Variants in CCDC18 observed in about 807,000 individuals in gnomAD.
The protein encoded by CCDC18 is coiled-coil domain-containing protein 18.
A neutral mutation model predicts 196.0 loss-of-function variants in CCDC18; 157 were observed. The ratio of observed to expected loss-of-function variants is 0.80; its 90% CI spans 0.70 to 0.91. CCDC18 has a LOEUF of 0.91. Ranked by LOEUF, CCDC18 falls within the 40% of genes least tolerant of loss-of-function variation. CCDC18 has a pLI of 0.00. For missense variants in CCDC18, 1,465 were observed against 1,611.6 expected (o/e 0.91, Z 1.56); for synonymous variants, 482 against 529.2 (o/e 0.91, Z 1.22).
At chr1:93,222,337 T>C (rs1375465706) in intron 16 of CCDC18, among the ~76,000 whole-genome samples, 3 of 152,144 alleles carry the variant, frequency 2.0e-5, no homozygotes, top group African/African-American at 2.4e-5. Flanking sequence ...TTATCTAGCC[T>C]CTTTTTGTCT....
At chr1:93,182,147 CAA>C (rs1649826138) in intron 1 of CCDC18, among the ~76,000 whole-genome samples, 1 of 151,522 alleles carries the variant, frequency 6.6e-6, no homozygotes, top group African/African-American at 2.4e-5. Flanking sequence ...TTTGTGGAAA[CAA>C]AAAAGGGAAA....
intron 4 of CCDC18, among the ~76,000 whole-genome samples, chr1:93,187,506 CTG>C (rs781781907): frequency 1.5e-4 from 23 of 152,020 alleles, no homozygotes; most frequent in African/African-American, 4.8e-4. Flanking sequence ...ATGCTTCACA[CTG>C]TTGATAATTT....
intron 17 of CCDC18, among the ~76,000 whole-genome samples, chr1:93,228,687 T>TC (rs2102389106): frequency 6.6e-6 from 1 of 151,916 alleles, no homozygotes; most frequent in African/African-American, 2.4e-5. Context: ...CCTTTTTTTT[T>TC]TTTACTATGA....
At chr1:93,230,967 A>G (rs553373944) in intron 17 of CCDC18, among the ~76,000 whole-genome samples, 6 of 152,346 alleles carry the variant, frequency 3.9e-5, no homozygotes, top group African/African-American at 1.2e-4. Context: ...TAAACAAAAC[A>G]TATTTGCATG....
At chr1:93,257,562 G>T (rs1663182005) in intron 25 of CCDC18, among the ~76,000 whole-genome samples, 1 of 151,596 alleles carries the variant, frequency 6.6e-6, no homozygotes, top group African/African-American at 2.4e-5. Flanking sequence ...CATAGGAACT[G>T]AATTAAAATA....
chr1:93,240,022 C>T (rs1364858614), intron 21 of CCDC18, 126 bp downstream of exon 21: 1 of 668,040 alleles, frequency 1.5e-6, no homozygotes, highest in Non-Finnish European at 2.5e-6. Context: ...TCATCCCAGC[C>T]AGCCTATCCC....
At chr1:93,188,574 T>C (rs1038909554) in intron 4 of CCDC18, among the ~76,000 whole-genome samples, 1 of 152,256 alleles carries the variant, frequency 6.6e-6, no homozygotes, top group Admixed American at 6.5e-5. Flanking sequence ...TACTCCCTTC[T>C]ATCTTCCAGT....
chr1:93,199,592 G>T (rs1343195303), intron 6 of CCDC18, among the ~76,000 whole-genome samples: 1 of 152,238 alleles, frequency 6.6e-6, no homozygotes, highest in Non-Finnish European at 1.5e-5. Context: ...TGAGCAGGGG[G>T]CGTGTTTCAG....
At chr1:93,257,956 A>G (rs1040072443) in intron 25 of CCDC18, among the ~76,000 whole-genome samples, 3 of 151,934 alleles carry the variant, frequency 2.0e-5, no homozygotes, top group African/African-American at 4.8e-5. Context: ...TCTTTCTCAC[A>G]TAACTAGACT....
At chr1:93,221,967 T>TTGCG in intron 16 of CCDC18, 31 bp downstream of exon 16, 1 of 1,414,748 alleles carries the variant, frequency 7.1e-7, no homozygotes, top group Non-Finnish European at 9.6e-7. Flanking sequence ...TTTTTCTTTC[T>TTGCG]TTCCTTTTTT....
chr1:93,197,020 C>T (rs1298540093), intron 6 of CCDC18, among the ~76,000 whole-genome samples: 1 of 152,048 alleles, frequency 6.6e-6, no homozygotes, highest in Non-Finnish European at 1.5e-5. Flanking sequence ...TAGGCTGTAC[C>T]TAAAGACACT....
intron 27 of CCDC18, among the ~76,000 whole-genome samples, chr1:93,267,164 C>T (rs981481757): frequency 2.0e-5 from 3 of 152,184 alleles, no homozygotes; most frequent in Non-Finnish European, 2.9e-5. Context: ...AAATGTAATC[C>T]ATCACATGAA....
At chr1:93,263,725 G>C (rs1664121182) in intron 26 of CCDC18, among the ~76,000 whole-genome samples, 1 of 152,074 alleles carries the variant, frequency 6.6e-6, no homozygotes, top group South Asian at 2.1e-4. Flanking sequence ...TCTAACCTCT[G>C]CCCATTACCC....
chr1:93,240,705 C>T (rs1242308125), intron 21 of CCDC18, among the ~76,000 whole-genome samples: 1 of 152,108 alleles, frequency 6.6e-6, no homozygotes, highest in Non-Finnish European at 1.5e-5. Context: ...CACTTCCAAA[C>T]CCATTTCTCC....
Position 93,186,337 on chromosome 1 carries a change from T to C in CCDC18, c.304-8T>C, listed in dbSNP as rs1224101869. 3.7e-6 allele frequency: 6 copies of C among 1,606,406 alleles called. No individual in the cohort carries two copies. Among genetic ancestry groups the C allele is most frequent in the Non-Finnish European group, 5.1e-6 (6 of 1,176,634 alleles). ...TGAAAATATATTTGTTCTTTTTCAT[T>C]CTTTCAGATGTTTTCATCTTCTGCC... On this transcript the variant is annotated splice_region_variant and splice_polypyrimidine_tract_variant and intron_variant, in intron 3 of 28. Transcript: ENST00000690025.
At chr1:93,233,126 G>C (rs1659499815) in intron 18 of CCDC18, among the ~76,000 whole-genome samples, 2 of 152,080 alleles carry the variant, frequency 1.3e-5, no homozygotes, top group Admixed American at 6.5e-5. Context: ...TATAATTCAT[G>C]TTTCTTTATT....
At position 93,201,921 on chromosome 1, in the gene CCDC18, A is replaced by G. The variant is rs752487584; in HGVS notation, c.728A>G (p.Tyr243Cys). 48 of 1,606,756 alleles carry G rather than the reference A, an allele frequency of 3.0e-5. No homozygotes were observed. The highest frequency in any genetic ancestry group is 3.6e-5 in the Non-Finnish European group (42 of 1,177,188). The change falls in exon 7 of 29, where the codon TAT (tyrosine) becomes TGT (cysteine). Residue 243 changes from tyrosine (Y) to cysteine (C), a missense_variant. Transcript: ENST00000690025. ...GAACGACAAAGGAATGAAGCACTATATAATGCCGAAGAGCTGAGTAAAGCT... is the reference window on the plus strand; with the variant it reads ...GAACGACAAAGGAATGAAGCACTATGTAATGCCGAAGAGCTGAGTAAAGCT... ...RAERQRNEAL[Y>C]NAEELSKAFQ...
intron 11 of CCDC18, 80 bp downstream of exon 11, chr1:93,212,341 A>T (rs1321173122): frequency 2.8e-5 from 26 of 919,368 alleles, no homozygotes; most frequent in South Asian, 1.3e-4. Flanking sequence ...TTTTATTTAA[A>T]TTTTTTTTTT....
intron 16 of CCDC18, among the ~76,000 whole-genome samples, chr1:93,222,291 CTTAA>C (rs1174885670): frequency 2.0e-5 from 3 of 151,738 alleles, no homozygotes; most frequent in Non-Finnish European, 4.4e-5. Flanking sequence ...GAATTATGAT[CTTAA>C]TTATTTGATA....
Sources: allele counts gnomAD v4.1 joint callset (sites outside exome capture counted in the v4.1 genomes callset), GRCh38; gene constraint gnomAD v4.1.1; transcripts MANE v1.5; gene names NCBI Gene and HGNC (gene_info 2026-07-23, HGNC 2026-07-21).